Variants in MARCHF1 observed in about 807,000 individuals in gnomAD.
MARCHF1 encodes E3 ubiquitin-protein ligase MARCHF1.
Under a neutral mutation model 54.2 loss-of-function variants are expected in MARCHF1, and 40 were observed. The ratio of observed to expected loss-of-function variants is 0.74; its 90% CI spans 0.57 to 0.96. The LOEUF is 0.96. Ranked by LOEUF, MARCHF1 falls within the 40% of genes least tolerant of loss-of-function variation. MARCHF1 has a pLI of 0.00. For synonymous variants in MARCHF1, 236 were observed against 236.3 expected (o/e 1.00, Z 0.01); for missense variants, 586 against 656.5 (o/e 0.89, Z 1.17).
intron 1 of MARCHF1, among the ~76,000 whole-genome samples, chr4:164,357,440 C>T (rs12506846): frequency 0.43 from 65,032 of 151,820 alleles, 14,753 homozygotes; most frequent in Non-Finnish European, 0.5. Flanking sequence ...CAGTTTGCCA[C>T]ACCCAGAATC....
chr4:164,003,133 A>G (rs995967843), intron 2 of MARCHF1, among the ~76,000 whole-genome samples: 7 of 151,924 alleles, frequency 4.6e-5, no homozygotes, highest in African/African-American at 1.7e-4. Context: ...AAAATGGTAT[A>G]AGGACAGAGG....
chr4:164,030,048 C>A (rs1025187192), intron 2 of MARCHF1, among the ~76,000 whole-genome samples: 5 of 152,084 alleles, frequency 3.3e-5, no homozygotes, highest in African/African-American at 7.2e-5. Context: ...AACCAATTAG[C>A]GGACAGCTAT....
intron 4 of MARCHF1, among the ~76,000 whole-genome samples, chr4:163,746,281 T>C (rs908333379): frequency 1.3e-5 from 2 of 152,200 alleles, no homozygotes; most frequent in African/African-American, 4.8e-5. Context: ...TTTCAGATTG[T>C]CTTTTTTATT....
chr4:164,205,853 A>G (rs1731592105), intron 1 of MARCHF1, among the ~76,000 whole-genome samples: 1 of 152,174 alleles, frequency 6.6e-6, no homozygotes, highest in Admixed American at 6.5e-5. Flanking sequence ...ATCTAACTGA[A>G]CTAAACAATT....
At position 163,733,258 on chromosome 4, in the gene MARCHF1, T is replaced by TACACGTGTATATATACACACAC. The variant is rs1554008882; in HGVS notation, c.112-32396_112-32395insGTGTGTGTATATATACACGTGT. On this transcript the variant is annotated intron_variant, in intron 4 of 9. Transcript: ENST00000514618. ...ATATATATACACGTGTATATATATA[T>TACACGTGTATATATACACACAC]ACACACACACACACACACAGACACA... Among the ~76,000 whole-genome samples the TACACGTGTATATATACACACAC allele has an allele frequency of 2.1e-3, 93 of 45,062 alleles. 9 individuals are homozygous for TACACGTGTATATATACACACAC. Among genetic ancestry groups the TACACGTGTATATATACACACAC allele is most frequent in the Non-Finnish European group, 4.0e-3 (75 of 18,960 alleles). 29.6% of individuals were successfully genotyped at this position (45,062 alleles called of 152,430 possible).
At chr4:163,698,877 G>A (rs1037919385) in intron 5 of MARCHF1, among the ~76,000 whole-genome samples, 2 of 152,152 alleles carry the variant, frequency 1.3e-5, no homozygotes, top group African/African-American at 4.8e-5. Flanking sequence ...GAGTTCTTTG[G>A]TTTAGGCAAA....
At chr4:163,950,478 G>T (rs1439579536) in intron 3 of MARCHF1, among the ~76,000 whole-genome samples, 2 of 152,226 alleles carry the variant, frequency 1.3e-5, no homozygotes, top group East Asian at 3.9e-4. Flanking sequence ...GCAGCAGGGG[G>T]CGGCGGTTGC....
At chr4:163,635,344 C>T (rs1742274513) in intron 5 of MARCHF1, among the ~76,000 whole-genome samples, 1 of 151,014 alleles carries the variant, frequency 6.6e-6, no homozygotes, top group South Asian at 2.1e-4. Flanking sequence ...AATTGATAGA[C>T]CGCTAGCAAG....
intron 4 of MARCHF1, among the ~76,000 whole-genome samples, chr4:163,750,504 C>A (rs1746489411): frequency 7.6e-6 from 1 of 131,846 alleles, no homozygotes; most frequent in Non-Finnish European, 1.7e-5. Flanking sequence ...GAGCAAGACT[C>A]TGTCTCAAAA....
intron 3 of MARCHF1, among the ~76,000 whole-genome samples, chr4:163,954,981 C>A (rs543719183): frequency 6.6e-6 from 1 of 152,082 alleles, no homozygotes; most frequent in East Asian, 1.9e-4. Flanking sequence ...TGTCTGCCTC[C>A]GGGAAACCAA....
At chr4:164,264,073 C>T (rs1160190732) in intron 1 of MARCHF1, among the ~76,000 whole-genome samples, 1 of 152,104 alleles carries the variant, frequency 6.6e-6, no homozygotes, top group Admixed American at 6.5e-5. Context: ...TTCACAATAG[C>T]AAAAGTATAG....
intron 3 of MARCHF1, among the ~76,000 whole-genome samples, chr4:163,869,167 G>A (rs1750117892): frequency 6.6e-6 from 1 of 151,938 alleles, no homozygotes; most frequent in South Asian, 2.1e-4. Flanking sequence ...TGCATGTGTA[G>A]TTCAAAGACT....
At chr4:164,180,394 A>G (rs901490194) in intron 1 of MARCHF1, among the ~76,000 whole-genome samples, 7 of 152,274 alleles carry the variant, frequency 4.6e-5, no homozygotes, top group African/African-American at 1.4e-4. Flanking sequence ...AAGAAGGTCA[A>G]TTATAAAAAA....
chr4:163,916,681 A>G (rs1751315031), intron 3 of MARCHF1, among the ~76,000 whole-genome samples: 1 of 152,098 alleles, frequency 6.6e-6, no homozygotes, highest in Admixed American at 6.6e-5. Context: ...ATATTTTATC[A>G]GACTTTATTT....
intron 4 of MARCHF1, among the ~76,000 whole-genome samples, chr4:163,749,989 A>G (rs1234820339): frequency 6.6e-6 from 1 of 151,902 alleles, no homozygotes; most frequent in Admixed American, 6.6e-5. Flanking sequence ...GAATTACTTG[A>G]ACGTGGGAGG....
intron 9 of MARCHF1, among the ~76,000 whole-genome samples, chr4:163,532,074 T>C (rs952937169): frequency 6.6e-6 from 1 of 151,892 alleles, no homozygotes; most frequent in Non-Finnish European, 1.5e-5. Flanking sequence ...CAGCAAGTTA[T>C]TTTATGGATA....
At chr4:163,735,640 GC>G (rs1161931919) in intron 4 of MARCHF1, among the ~76,000 whole-genome samples, 122 of 152,288 alleles carry the variant, frequency 8.0e-4, no homozygotes, top group African/African-American at 2.7e-3. Context: ...TAAGGGAGAA[GC>G]CCTTATGGCC....
chr4:163,706,745 T>C (rs1156759471), intron 4 of MARCHF1, among the ~76,000 whole-genome samples: 1 of 151,794 alleles, frequency 6.6e-6, no homozygotes, highest in African/African-American at 2.4e-5. Flanking sequence ...AGAAAGGAGG[T>C]AGATAAAATG....
chr4:163,943,748 TAAAAAAAAAA>T (rs5863641), intron 3 of MARCHF1, among the ~76,000 whole-genome samples: 1 of 123,526 alleles, frequency 8.1e-6, no homozygotes, highest in Non-Finnish European at 1.7e-5. Flanking sequence ...AAATAGAAGT[TAAAAAAAAAA>T]AAAAAAAAAA....
Sources: allele counts gnomAD v4.1 joint callset (sites outside exome capture counted in the v4.1 genomes callset), GRCh38; gene constraint gnomAD v4.1.1; transcripts MANE v1.5; gene names NCBI Gene and HGNC (gene_info 2026-07-23, HGNC 2026-07-21).